The following CAMK4 variants were observed in gnomAD, a reference collection of about 807,000 sequenced individuals.
CAMK4 encodes calcium/calmodulin dependent protein kinase IV, also known as calcium/calmodulin-dependent protein kinase type IV.
In CAMK4, 22 loss-of-function variants were observed where a neutral mutation model predicts 44.9. The ratio of observed to expected loss-of-function variants is 0.49; its 90% CI spans 0.35 to 0.70. The LOEUF is 0.70. Ranked by LOEUF, CAMK4 falls within the 30% of genes least tolerant of loss-of-function variation. The pLI, the probability that CAMK4 is intolerant of heterozygous loss-of-function variation, is 0.01. For synonymous variants in CAMK4, 218 were observed against 215.4 expected, an observed-to-expected ratio of 1.01 and a Z score of -0.11; for missense variants, 498 against 586.8, an observed-to-expected ratio of 0.85 and a Z score of 1.56.
intron 4 of CAMK4, 87 bp from the exon 5 acceptor site, chr5:111,394,623 C>CT: frequency 2.3e-6 from 2 of 861,422 alleles, no homozygotes; most frequent in Non-Finnish European, 3.8e-6. Context: ...TGTGCACCAT[C>CT]TTTAACATTA....
chr5:111,392,705 A>T (rs1442772912), intron 4 of CAMK4, among the ~76,000 whole-genome samples: 1 of 152,204 alleles, frequency 6.6e-6, no homozygotes, highest in African/African-American at 2.4e-5. Context: ...ATGGAATATG[A>T]ACATATGTAC....
chr5:111,477,481 C>G lies in CAMK4; in HGVS notation c.702-900C>G, dbSNP rs138966972. On this transcript the variant is annotated intron_variant, in intron 8 of 10. Transcript: ENST00000282356. ...CAAATGGAACACATGCAACACATGC[C>G]CTGCCATGGGCTTTTTTAAGCAGTT... Among the ~76,000 whole-genome samples, 29 of 152,268 alleles carry G rather than the reference C, an allele frequency of 1.9e-4. No individual in the cohort carries two copies. In the East Asian group the frequency reaches 3.5e-3, roughly 18 times the overall value.
Position 111,298,172 on chromosome 5 carries a change from C to T in CAMK4, c.162-45852C>T, listed in dbSNP as rs565782308. 3.3e-3 allele frequency among the ~76,000 whole-genome samples: 497 copies of T among 152,106 alleles called. 5 individuals are homozygous for T. The highest frequency in any genetic ancestry group is 2.7e-3 in the Non-Finnish European group (182 of 67,982). On this transcript the variant is annotated intron_variant, in intron 1 of 10. Coordinates refer to ENST00000282356, the MANE Select transcript of CAMK4 (RefSeq NM_001744.6). ...CAGTAGCCTTTTATTTTTAAAATTT[C>T]TTATTGGCCACTTAAAAATTATGTA... is the stretch of plus-strand genomic sequence containing the variant.
intron 5 of CAMK4, among the ~76,000 whole-genome samples, chr5:111,397,888 T>G (rs1341671918): frequency 6.6e-6 from 1 of 152,152 alleles, no homozygotes; most frequent in Non-Finnish European, 1.5e-5. Context: ...CTCCTCTTTT[T>G]ATGTTGTTCT....
intron 4 of CAMK4, among the ~76,000 whole-genome samples, chr5:111,388,149 T>C (rs1428355047): frequency 6.6e-6 from 1 of 152,176 alleles, no homozygotes; most frequent in Non-Finnish European, 1.5e-5. Context: ...CGAAGGGTGA[T>C]GGTTGGCCAA....
chr5:111,364,374 C>T lies in CAMK4; in HGVS notation c.241-10476C>T, dbSNP rs147212149. On this transcript the variant is annotated intron_variant, in intron 2 of 10. Coordinates refer to ENST00000282356, the MANE Select transcript of CAMK4 (RefSeq NM_001744.6). ...AGCCCAACCTCTTTCTGTTGAGAGT[C>T]GGGCATCAGCCAAATTCTTTGTATT... 2.6e-3 allele frequency among the ~76,000 whole-genome samples: 398 copies of T among 152,192 alleles called. 4 individuals are homozygous for T. The highest frequency in any genetic ancestry group is 7.8e-3 in the African/African-American group (324 of 41,554).
At chr5:111,363,411 T>C (rs1750673499) in intron 2 of CAMK4, among the ~76,000 whole-genome samples, 1 of 152,100 alleles carries the variant, frequency 6.6e-6, no homozygotes, top group Non-Finnish European at 1.5e-5. Flanking sequence ...ATTTAACAAG[T>C]TATTAAATGC....
At chr5:111,337,178 C>T (rs543567533) in intron 1 of CAMK4, among the ~76,000 whole-genome samples, 1 of 150,952 alleles carries the variant, frequency 6.6e-6, no homozygotes, top group Non-Finnish European at 1.5e-5. Flanking sequence ...TTTTGTGTAC[C>T]CTCATTAATT....
At chr5:111,311,217 G>A (rs1241996128) in intron 1 of CAMK4, among the ~76,000 whole-genome samples, 2 of 151,828 alleles carry the variant, frequency 1.3e-5, no homozygotes, top group East Asian at 1.9e-4. Flanking sequence ...TAGGTCCAAA[G>A]CAAAAAGAAA....
intron 1 of CAMK4, among the ~76,000 whole-genome samples, chr5:111,280,247 G>A (rs1750954730): frequency 6.6e-6 from 1 of 151,566 alleles, no homozygotes; most frequent in African/African-American, 2.4e-5. Context: ...AAAATATCAG[G>A]CTATAGTGAT....
intron 4 of CAMK4, among the ~76,000 whole-genome samples, chr5:111,378,907 C>T (rs1751313128): frequency 6.6e-6 from 1 of 151,074 alleles, no homozygotes; most frequent in African/African-American, 2.4e-5. Context: ...CACATGTTCC[C>T]ATGTCCTCAA....
In CAMK4 at chr5:111,448,826, A is replaced by G. The variant is rs559520755; in HGVS notation, c.551-303A>G. On this transcript the variant is annotated intron_variant, in intron 6 of 10. Transcript: ENST00000282356. ...TCTAAACAAACAAACAAACAAAAAC[A>G]AGAAAGAAAGAAAAAAATTGCTTAT... is the stretch of plus-strand genomic sequence containing the variant. 3.3e-5 allele frequency among the ~76,000 whole-genome samples: 5 copies of G among 152,310 alleles called. No individual in the cohort carries two copies. In the South Asian group the frequency reaches 1.0e-3, roughly 32 times the overall value.
At chr5:111,329,790 TA>T (rs1561416436) in intron 1 of CAMK4, among the ~76,000 whole-genome samples, 1 of 151,632 alleles carries the variant, frequency 6.6e-6, no homozygotes, top group East Asian at 2.0e-4. Flanking sequence ...CATTCATAAT[TA>T]AAAAAAGAAA....
At chr5:111,300,011 A>G (rs1024698929) in intron 1 of CAMK4, among the ~76,000 whole-genome samples, 21 of 152,214 alleles carry the variant, frequency 1.4e-4, no homozygotes, top group African/African-American at 4.6e-4. Flanking sequence ...AGAGTCAGCT[A>G]TATCTGGGTT....
intron 1 of CAMK4, among the ~76,000 whole-genome samples, chr5:111,334,542 C>G (rs377111): frequency 0.45 from 68,804 of 151,232 alleles, 15,802 homozygotes; most frequent in Admixed American, 0.5. Flanking sequence ...TAAGAAGAAT[C>G]AATTTTGAGG....
Position 111,473,338 on chromosome 5 carries a change from A to G in CAMK4, c.653A>G (p.Tyr218Cys), listed in dbSNP as rs1459155642. The change falls in exon 8 of 11, where the codon TAT becomes TGT. Residue 218 changes from tyrosine (Y) to cysteine (C), a missense_variant. This residue lies in a region of CAMK4 where 203 missense variants were observed against 298.2 expected (regional missense o/e 0.68). Coordinates refer to ENST00000282356, the MANE Select transcript of CAMK4 (RefSeq NM_001744.6). ...CCTGAAATTCTTAGAGGTTGTGCCT[A>G]TGGACCTGAGGTGGACATGTGGTCT... ...CAPEILRGCA[Y>C]GPEVDMWSVG... 2.5e-6 allele frequency: 4 copies of G among 1,612,958 alleles called. No individual in the cohort carries two copies. The highest frequency in any genetic ancestry group is 2.2e-5 in the East Asian group (1 of 44,834).
chr5:111,473,460 A>T (rs942495649), intron 8 of CAMK4, 74 bp downstream of exon 8: 2 of 905,194 alleles, frequency 2.2e-6, no homozygotes, highest in Middle Eastern at 2.2e-4. Flanking sequence ...TCTAATGCTC[A>T]TAAAAACCAT....
intron 6 of CAMK4, among the ~76,000 whole-genome samples, chr5:111,448,188 C>T (rs1208884257): frequency 2.0e-5 from 3 of 152,096 alleles, no homozygotes; most frequent in South Asian, 2.1e-4. Flanking sequence ...TAGCAACTTT[C>T]GATAATCTTT....
At chr5:111,455,093 A>G (rs958195836) in intron 7 of CAMK4, among the ~76,000 whole-genome samples, 1 of 152,216 alleles carries the variant, frequency 6.6e-6, no homozygotes, top group Non-Finnish European at 1.5e-5. Context: ...CTAAGCCTCT[A>G]AGCATAACAG....
Sources: gnomAD v4.1 joint callset for allele counts (sites outside exome capture counted in the v4.1 genomes callset) on GRCh38, gnomAD v4.1.1 for gene constraint, gnomAD v4.1.1 regional missense constraint, MANE v1.5 for transcripts, NCBI Gene and HGNC (gene_info 2026-07-23, HGNC 2026-07-21) for gene names.